SEMA5A: variants seen among roughly 807,000 people sequenced by gnomAD.
The protein encoded by SEMA5A is semaphorin 5A.
In SEMA5A, 55 loss-of-function variants were observed where a neutral mutation model predicts 135.5. The ratio of observed to expected loss-of-function variants is 0.41; its 90% confidence interval spans 0.33 to 0.51. The LOEUF (loss-of-function observed/expected upper bound fraction) is 0.51, where lower values mean the gene tolerates loss of function less well. SEMA5A is among the 20% of genes least tolerant of loss of function. The pLI is 0.37. For synonymous variants in SEMA5A, 580 were observed against 546.5 expected, an observed-to-expected ratio of 1.06 and a Z score of -0.85; for missense variants, 1,290 against 1,419.9, an observed-to-expected ratio of 0.91 and a Z score of 1.47.
intron 16 of SEMA5A, among the ~76,000 whole-genome samples, chr5:9,090,168 G>C (rs1738952892): frequency 6.6e-6 from 1 of 152,126 alleles, no homozygotes; most frequent in Non-Finnish European, 1.5e-5. Flanking sequence ...TCTTGAAATA[G>C]GGCTCTCTGT....
chr5:9,514,502 C>A (rs1341656621), intron 1 of SEMA5A, among the ~76,000 whole-genome samples: 1 of 152,180 alleles, frequency 6.6e-6, no homozygotes, highest in Non-Finnish European at 1.5e-5. Context: ...ATACCAAAAT[C>A]CACAGATGCT....
At chr5:9,286,993 G>T (rs529148155) in intron 5 of SEMA5A, among the ~76,000 whole-genome samples, 1 of 152,126 alleles carries the variant, frequency 6.6e-6, no homozygotes, top group Admixed American at 6.5e-5. Context: ...AATGCTGTCC[G>T]TCACTGTTTT....
chr5:9,338,681 A>G (rs1321353530), intron 3 of SEMA5A, among the ~76,000 whole-genome samples: 1 of 152,154 alleles, frequency 6.6e-6, no homozygotes, highest in East Asian at 1.9e-4. Flanking sequence ...AGTATTTTGA[A>G]TAACACCACC....
chr5:9,226,465 A>C (rs1306452301), intron 7 of SEMA5A, among the ~76,000 whole-genome samples: 1 of 152,064 alleles, frequency 6.6e-6, no homozygotes, highest in East Asian at 1.9e-4. Flanking sequence ...TTGTAGGCTA[A>C]TTTTTTCTTC....
intron 2 of SEMA5A, among the ~76,000 whole-genome samples, chr5:9,417,266 AT>A (rs1010052621): frequency 2.0e-5 from 3 of 152,198 alleles, no homozygotes; most frequent in Admixed American, 6.5e-5. Context: ...TTTCCAAAGG[AT>A]TTTTTTAGTA....
At chr5:9,267,509 C>A (rs988119665) in intron 5 of SEMA5A, among the ~76,000 whole-genome samples, 1 of 152,120 alleles carries the variant, frequency 6.6e-6, no homozygotes, top group Non-Finnish European at 1.5e-5. Flanking sequence ...AAATTCTTAA[C>A]TGGTTTCCAC....
chr5:9,113,502 C>T (rs1049881477), intron 15 of SEMA5A, among the ~76,000 whole-genome samples: 1 of 152,128 alleles, frequency 6.6e-6, no homozygotes, highest in Non-Finnish European at 1.5e-5. Flanking sequence ...GATGCATGTG[C>T]CAATTGGTTC....
intron 15 of SEMA5A, among the ~76,000 whole-genome samples, chr5:9,109,746 C>CG (rs1468083367): frequency 6.6e-6 from 1 of 152,030 alleles, no homozygotes; most frequent in Non-Finnish European, 1.5e-5. Flanking sequence ...TATTCACAGT[C>CG]GAAAATAAAC....
chr5:9,497,930 C>T (rs996178967), intron 1 of SEMA5A, among the ~76,000 whole-genome samples: 1 of 152,168 alleles, frequency 6.6e-6, no homozygotes, highest in Non-Finnish European at 1.5e-5. Flanking sequence ...TGTGCAACTC[C>T]TTGGGGACAT....
intron 2 of SEMA5A, among the ~76,000 whole-genome samples, chr5:9,401,879 A>G (rs894850197): frequency 3.3e-5 from 5 of 152,230 alleles, no homozygotes; most frequent in African/African-American, 9.6e-5. Context: ...TGAGAAGGTC[A>G]GCACACTGTC....
intron 5 of SEMA5A, chr5:9,265,488 G>C (rs111352189): frequency 0.035 from 16,009 of 456,266 alleles, 392 homozygotes; most frequent in Non-Finnish European, 0.052. Context: ...CAACTCTTCT[G>C]CCGCGGGACT....
chr5:9,482,213 A>G (rs952789860), intron 1 of SEMA5A, among the ~76,000 whole-genome samples: 1 of 152,176 alleles, frequency 6.6e-6, no homozygotes, highest in Non-Finnish European at 1.5e-5. Context: ...CATTTAAATT[A>G]TAGACTTTTC....
chr5:9,401,060 C>T (rs1756638794), intron 2 of SEMA5A, among the ~76,000 whole-genome samples: 1 of 152,070 alleles, frequency 6.6e-6, no homozygotes, highest in South Asian at 2.1e-4. Flanking sequence ...ACTAGGTACA[C>T]ATTTCTTCAC....
intron 6 of SEMA5A, 55 bp downstream of exon 6, chr5:9,237,773 A>C: frequency 6.8e-7 from 1 of 1,479,714 alleles, no homozygotes; most frequent in Non-Finnish European, 9.4e-7. Context: ...TGCTTTATAT[A>C]GTGTAGAGTC....
intron 4 of SEMA5A, among the ~76,000 whole-genome samples, chr5:9,329,736 A>G (rs140909331): frequency 4.6e-5 from 7 of 152,254 alleles, no homozygotes; most frequent in Middle Eastern, 3.4e-3. Flanking sequence ...AAGCCTTTGT[A>G]CATTTATTTA....
chr5:9,175,152 A>C (rs1330391603), intron 11 of SEMA5A, among the ~76,000 whole-genome samples: 1 of 152,134 alleles, frequency 6.6e-6, no homozygotes, highest in Non-Finnish European at 1.5e-5. Context: ...TGCTCCCTGC[A>C]TCCCCAAAGG....
chr5:9,377,540 A>G (rs1482454796), intron 3 of SEMA5A, among the ~76,000 whole-genome samples: 1 of 148,024 alleles, frequency 6.8e-6, no homozygotes, highest in East Asian at 1.9e-4. Context: ...ACGCGAGGAC[A>G]AAAAAAAAAG....
At chr5:9,484,804 T>C (rs1255784609) in intron 1 of SEMA5A, among the ~76,000 whole-genome samples, 1 of 152,118 alleles carries the variant, frequency 6.6e-6, no homozygotes, top group East Asian at 1.9e-4. Flanking sequence ...TGGGGTTCTA[T>C]GGAGGTTCTT....
At chr5:9,053,949 G>A in intron 19 of SEMA5A, 138 bp downstream of exon 19, 1 of 876,122 alleles carries the variant, frequency 1.1e-6, no homozygotes, top group Non-Finnish European at 1.7e-6. Flanking sequence ...GTCACTTCAA[G>A]GGTAATAGCA....
Sources: gnomAD v4.1 joint callset for allele counts (sites outside exome capture counted in the v4.1 genomes callset) on GRCh38, gnomAD v4.1.1 for gene constraint, MANE v1.5 for transcripts, NCBI Gene and HGNC (gene_info 2026-07-23, HGNC 2026-07-21) for gene names.